Variants in GSTA3 observed in about 807,000 individuals in gnomAD.
GSTA3 encodes the protein glutathione S-transferase A3.
A neutral mutation model predicts 23.1 loss-of-function variants in GSTA3; 16 were observed. The observed-to-expected ratio is 0.69, with a 90% CI of 0.47 to 1.05. The LOEUF is 1.05. Among genes scored for constraint, GSTA3 ranks in the 50% least tolerant of loss-of-function variants. The pLI, the probability that GSTA3 is intolerant of heterozygous loss-of-function variation, is 0.00. For missense variants in GSTA3, 319 were observed against 263.6 expected (o/e 1.21, Z -1.46); for synonymous variants, 122 against 91.0 (o/e 1.34, Z -1.94).
Position 52,896,900 on chromosome 6 carries a change from G to A in GSTA3, c.575C>T (p.Pro192Leu). 6.2e-7 allele frequency: 1 copy of A among 1,614,002 alleles called. No homozygotes were observed. The highest frequency in any genetic ancestry group is 8.5e-7 in the Non-Finnish European group (1 of 1,179,922). The change falls in exon 7 of 7, where the codon CCC (proline) becomes CTC (leucine). Residue 192 changes from proline (P) to leucine (L), a missense_variant. Physicochemically the swap from Pro to Leu is moderately conservative, Grantham distance 98. Transcript: ENST00000211122. ...KALKTRISNL[P>L]TVKKFLQPGS... is the part of the protein sequence containing the mutation. The stretch of plus-strand genomic sequence containing the variant: ...AGGCTGTAGAAACTTCTTCACCGTG[G>A]GCAGGTTGCTGATTCTGGTTTTCAG...
At chr6:52,901,046 A>T (rs529600900) in intron 4 of GSTA3, among the ~76,000 whole-genome samples, 6 of 152,356 alleles carry the variant, frequency 3.9e-5, no homozygotes, top group Admixed American at 1.3e-4. Flanking sequence ...TACAACCAGG[A>T]CATATTTTAG....
chr6:52,907,660 C>T (rs920400575), intron 1 of GSTA3, among the ~76,000 whole-genome samples: 1 of 151,870 alleles, frequency 6.6e-6, no homozygotes, highest in African/African-American at 2.4e-5. Flanking sequence ...ATGATGAGTT[C>T]ATGTCCTTTG....
At chr6:52,906,482 CAA>C (rs888861888) in intron 1 of GSTA3, among the ~76,000 whole-genome samples, 1 of 152,038 alleles carries the variant, frequency 6.6e-6, no homozygotes, top group Non-Finnish European at 1.5e-5. Context: ...TCATATGGAA[CAA>C]AAAAGAGCCC....
At chr6:52,909,003 GGAA>G (rs1765983989) in intron 1 of GSTA3, among the ~76,000 whole-genome samples, 1 of 152,220 alleles carries the variant, frequency 6.6e-6, no homozygotes, top group Non-Finnish European at 1.5e-5. Flanking sequence ...AGAGAAGGAG[GGAA>G]GAAGGAGGAG....
At chr6:52,903,593 TCA>T in intron 3 of GSTA3, 81 bp downstream of exon 3, 106 of 679,930 alleles carry the variant, frequency 1.6e-4, no homozygotes, top group Middle Eastern at 3.1e-4. Context: ...CGAGACTCCG[TCA>T]AAAAAAAAAA....
chr6:52,898,500 G>A (rs915575742), intron 5 of GSTA3, among the ~76,000 whole-genome samples: 1 of 152,106 alleles, frequency 6.6e-6, no homozygotes, highest in Non-Finnish European at 1.5e-5. Context: ...ATAAAATTTT[G>A]TTGAATAGAG....
At position 52,897,869 on chromosome 6, in the gene GSTA3, C is replaced by G; in HGVS notation, c.502G>C (p.Glu168Gln). ...GAGATAAGGCTGGAGTCAAGCTCTT[C>G]CACATAGTAGAGAAGTTCCACCAGG... ...ISLVELLYYV[E>Q]ELDSSLISNF... Residue 168 changes from glutamate (E) to glutamine (Q), a missense_variant, in exon 6 of 7, where the codon GAA becomes CAA. By Grantham distance (29) the Glu-to-Gln change is conservative. Transcript: ENST00000211122. 6.2e-7 allele frequency: 1 copy of G among 1,613,908 alleles called. No homozygotes were observed. Among genetic ancestry groups the G allele is most frequent in the Non-Finnish European group, 8.5e-7 (1 of 1,179,908 alleles).
At position 52,903,431 on chromosome 6, in the gene GSTA3, C is replaced by CAAA. The variant is rs398039914; in HGVS notation, c.139+242_139+244dup. Reference sequence around the variant, plus strand: ...TGAAACCCCGTCTCTACTAAAAATACAAAAAAAAAAAAAAAACTAGCCTGG... The same window carrying CAAA: ...TGAAACCCCGTCTCTACTAAAAATACAAAAAAAAAAAAAAAAAAACTAGCCTGG... On this transcript the variant is annotated intron_variant, in intron 3 of 6. Coordinates refer to ENST00000211122, the MANE Select transcript of GSTA3 (RefSeq NM_000847.5). 1.9e-4 allele frequency among the ~76,000 whole-genome samples: 23 copies of CAAA among 121,226 alleles called. No homozygotes were observed. In the East Asian group the frequency reaches 3.5e-3, roughly 18 times the overall value. 79.5% of individuals were successfully genotyped at this position (121,226 alleles called of 152,430 possible).
Position 52,905,513 on chromosome 6 carries a change from T to C in GSTA3, c.87+235A>G, listed in dbSNP as rs950158175. 2.0e-5 allele frequency among the ~76,000 whole-genome samples: 3 copies of C among 152,132 alleles called. No individual in the cohort carries two copies. The East Asian group carries it at 5.8e-4, about 29-fold the overall frequency. ...AGGTCCACTCATTGTGATTAGTTAA[T>C]TCTTTTCAAAATATATTTTAATTGT... On this transcript the variant is annotated intron_variant, in intron 2 of 6. Transcript: ENST00000211122.
intron 5 of GSTA3, 63 bp downstream of exon 5, chr6:52,899,871 A>T: frequency 6.6e-7 from 1 of 1,506,450 alleles, no homozygotes; most frequent in Non-Finnish European, 9.2e-7. Flanking sequence ...AGGAATGCCC[A>T]GCCACTATTT....
At position 52,903,689 on chromosome 6, in the gene GSTA3, T is replaced by C; in HGVS notation, c.126A>G (p.Gly42=). 1 of 1,582,526 alleles carries C rather than the reference T, an allele frequency of 6.3e-7. No individual in the cohort carries two copies. Among genetic ancestry groups the C allele is most frequent in the Non-Finnish European group, 8.7e-7 (1 of 1,151,594 alleles). ...ACTTGATCTTACCATTTCTTAACTTTCCCAAATCTTCTGCAGATCCTATAA... is the reference window on the plus strand; with the variant it reads ...ACTTGATCTTACCATTTCTTAACTTCCCCAAATCTTCTGCAGATCCTATAA... ...EKFIGSAEDL[G]KLRNDGSLMF... The change falls in exon 3 of 7, where the codon GGA becomes GGG. Residue 42 remains glycine (G), a synonymous_variant. Coordinates refer to ENST00000211122, the MANE Select transcript of GSTA3 (RefSeq NM_000847.5).
intron 6 of GSTA3, 116 bp from the exon 7 acceptor site, chr6:52,897,044 C>G: frequency 7.1e-7 from 1 of 1,413,478 alleles, no homozygotes; most frequent in Non-Finnish European, 9.6e-7. Context: ...TCCATCAGCA[C>G]CAGCATGGAG....
rs45451492 is a variant in GSTA3 at position 52,899,676 on chromosome 6, A to G, written c.414+258T>C. Among the ~76,000 whole-genome samples, 373 of 152,368 alleles carry G rather than the reference A, an allele frequency of 2.4e-3. 2 individuals are homozygous for G. The highest frequency in any genetic ancestry group is 8.8e-3 in the African/African-American group (364 of 41,590). ...TCCACAGCCCATGTTCTACTTATGA[A>G]CATAAAATTGTTGAATAGAGAATTC... On this transcript the variant is annotated intron_variant, in intron 5 of 6. Coordinates refer to ENST00000211122, the MANE Select transcript of GSTA3 (RefSeq NM_000847.5).
intron 5 of GSTA3, among the ~76,000 whole-genome samples, chr6:52,898,428 G>T (rs960069361): frequency 2.0e-5 from 3 of 152,102 alleles, no homozygotes; most frequent in Admixed American, 1.3e-4. Context: ...ATGTTCCATA[G>T]ACTCAACAGC....
chr6:52,904,539 G>T (rs1487682091), intron 2 of GSTA3, among the ~76,000 whole-genome samples: 3 of 152,150 alleles, frequency 2.0e-5, no homozygotes, highest in Non-Finnish European at 4.4e-5. Context: ...CCGCCCCGAG[G>T]TTCAGGTCCA....
chr6:52,908,828 C>T (rs2127365991), intron 1 of GSTA3, among the ~76,000 whole-genome samples: 1 of 152,252 alleles, frequency 6.6e-6, no homozygotes, highest in African/African-American at 2.4e-5. Context: ...ATCTACTTGC[C>T]TACTACCCTA....
chr6:52,903,622 G>C (rs1009663726), intron 3 of GSTA3, 54 bp downstream of exon 3: 2 of 910,906 alleles, frequency 2.2e-6, no homozygotes, highest in Non-Finnish European at 3.5e-6. Context: ...AATCTTCAGC[G>C]GTACCTTCTC....
chr6:52,903,685 A>G lies in GSTA3; in HGVS notation c.130T>C (p.Leu44=), dbSNP rs2127361138. 1 of 1,570,456 alleles carries G rather than the reference A, an allele frequency of 6.4e-7. No homozygotes were observed. The highest frequency in any genetic ancestry group is 1.7e-4 in the Middle Eastern group (1 of 5,986). ...AGAGACTTGATCTTACCATTTCTTA[A>G]CTTTCCCAAATCTTCTGCAGATCCT... ...FIGSAEDLGK[L]RNDGSLMFQQ... Residue 44 remains leucine (L), a synonymous_variant, in exon 3 of 7, where the codon TTA becomes CTA. Transcript: ENST00000211122.
At chr6:52,906,683 GACAAAC>G (rs1177855290) in intron 1 of GSTA3, among the ~76,000 whole-genome samples, 1 of 151,774 alleles carries the variant, frequency 6.6e-6, no homozygotes, top group African/African-American at 2.4e-5. Flanking sequence ...TCTGATCTTT[GACAAAC>G]CTGACAAAAA....
Sources: allele counts gnomAD v4.1 joint callset (sites outside exome capture counted in the v4.1 genomes callset), GRCh38; gene constraint gnomAD v4.1.1; transcripts MANE v1.5; gene names NCBI Gene and HGNC (gene_info 2026-07-23, HGNC 2026-07-21).